ABLIM3: variants seen among roughly 807,000 people sequenced by gnomAD.
ABLIM3 encodes actin binding LIM protein family member 3, also known as actin-binding LIM protein 3.
In ABLIM3, 61 loss-of-function variants were observed where a neutral mutation model predicts 109.5. The observed-to-expected ratio is 0.56, with a 90% confidence interval of 0.45 to 0.69. ABLIM3 has a LOEUF of 0.69. ABLIM3 is among the 30% of genes least tolerant of loss of function. The pLI is 0.00. For missense variants in ABLIM3, 796 were observed against 889.5 expected (o/e 0.89, Z 1.34); for synonymous variants, 300 against 324.8 (o/e 0.92, Z 0.82).
intron 2 of ABLIM3, among the ~76,000 whole-genome samples, chr5:149,178,079 T>C (rs1270475372): frequency 6.6e-6 from 1 of 152,130 alleles, no homozygotes; most frequent in Non-Finnish European, 1.5e-5. Flanking sequence ...ATCCCATGAC[T>C]CTGTGGCCTC....
At chr5:149,185,791 CTT>C (rs1437541606) in intron 3 of ABLIM3, among the ~76,000 whole-genome samples, 1 of 152,162 alleles carries the variant, frequency 6.6e-6, no homozygotes. Context: ...TTTTACGACT[CTT>C]TTAACATGCA....
At chr5:149,239,349 C>A in intron 12 of ABLIM3, 72 bp downstream of exon 12, 1 of 1,533,258 alleles carries the variant, frequency 6.5e-7, no homozygotes, top group Non-Finnish European at 9.0e-7. Context: ...CCATCCCCAG[C>A]CCCCCGAAGG....
chr5:149,150,604 G>A (rs1263778050), intron 2 of ABLIM3, among the ~76,000 whole-genome samples: 1 of 152,112 alleles, frequency 6.6e-6, no homozygotes, highest in East Asian at 1.9e-4. Flanking sequence ...TTCCTATCTG[G>A]CAAAAGCTTT....
intron 7 of ABLIM3, among the ~76,000 whole-genome samples, chr5:149,215,323 C>G (rs1221210619): frequency 6.6e-6 from 1 of 152,158 alleles, no homozygotes; most frequent in Non-Finnish European, 1.5e-5. Flanking sequence ...AAAGTTTGAA[C>G]ATATTCGCTT....
intron 3 of ABLIM3, among the ~76,000 whole-genome samples, chr5:149,184,017 A>G (rs1756724677): frequency 6.6e-6 from 1 of 151,384 alleles, no homozygotes; most frequent in Non-Finnish European, 1.5e-5. Flanking sequence ...CAATGTAGCA[A>G]TCTTCAAAGG....
chr5:149,252,058 C>T, intron 21 of ABLIM3, 143 bp from the exon 22 acceptor site: 1 of 855,958 alleles, frequency 1.2e-6, no homozygotes, highest in Non-Finnish European at 1.8e-6. Flanking sequence ...GTGAATTCAG[C>T]AAGGACAAGG....
chr5:149,216,018 G>GATGGGGAAGGAAAGTGAAA (rs1175074361), intron 7 of ABLIM3, among the ~76,000 whole-genome samples: 2 of 152,182 alleles, frequency 1.3e-5, no homozygotes, highest in African/African-American at 4.8e-5. Context: ...TTTAAATAGT[G>GATGGGGAAGGAAAGTGAAA]ATGGGGAAGG....
chr5:149,240,033 C>T (rs1752649983), intron 13 of ABLIM3, 145 bp downstream of exon 13: 6 of 1,170,666 alleles, frequency 5.1e-6, no homozygotes, highest in African/African-American at 1.6e-5. Flanking sequence ...ACCCAGGTGA[C>T]CAGCTGGGCC....
intron 5 of ABLIM3, among the ~76,000 whole-genome samples, chr5:149,201,185 G>C (rs934817937): frequency 1.4e-5 from 2 of 141,894 alleles, no homozygotes; most frequent in Non-Finnish European, 3.2e-5. Flanking sequence ...CTAGTGATAA[G>C]ATATCTAAAT....
chr5:149,170,220 G>A (rs1026312025), intron 2 of ABLIM3, among the ~76,000 whole-genome samples: 7 of 115,076 alleles, frequency 6.1e-5, no homozygotes, highest in African/African-American at 1.0e-4. Flanking sequence ...ATTCATTCAG[G>A]GTTCTGTTTC....
intron 2 of ABLIM3, among the ~76,000 whole-genome samples, chr5:149,154,871 G>T (rs925332113): frequency 6.6e-6 from 1 of 152,280 alleles, no homozygotes; most frequent in East Asian, 1.9e-4. Flanking sequence ...ACATGAATGA[G>T]CCCACTTACG....
At chr5:149,236,570 G>A (rs1186479616) in intron 10 of ABLIM3, among the ~76,000 whole-genome samples, 2 of 152,130 alleles carry the variant, frequency 1.3e-5, no homozygotes, top group Admixed American at 6.5e-5. Flanking sequence ...TCACATGCAA[G>A]GGGAAGCTTT....
chr5:149,193,108 A>G (rs1362847273), intron 3 of ABLIM3, among the ~76,000 whole-genome samples: 2 of 152,178 alleles, frequency 1.3e-5, no homozygotes, highest in Non-Finnish European at 2.9e-5. Context: ...CAAAAAAAGA[A>G]AAGAAAAAAA....
At chr5:149,141,841 CCG>C in intron 1 of ABLIM3, 166 bp from the exon 2 acceptor site, 2 of 560,284 alleles carry the variant, frequency 3.6e-6, no homozygotes, top group Non-Finnish European at 6.4e-6. Flanking sequence ...AGCAGGAGGA[CCG>C]GGGCGCCGGT....
rs147156554 is a variant in ABLIM3 at position 149,197,551 on chromosome 5, T to A, written c.152-668T>A. ...GTGTTTTATTCTTCCTGCCTGAGAA[T>A]AGACACCCCCCACTCCTTATGGCTA... On this transcript the variant is annotated intron_variant, in intron 3 of 23. Coordinates refer to ENST00000309868, the MANE Select transcript of ABLIM3 (RefSeq NM_014945.5). Among the ~76,000 whole-genome samples, 489 of 152,262 alleles carry A rather than the reference T, an allele frequency of 3.2e-3. 3 individuals carry two copies. The highest frequency in any genetic ancestry group is 0.011 in the African/African-American group (475 of 41,552).
At chr5:149,169,886 A>G (rs1755208644) in intron 2 of ABLIM3, among the ~76,000 whole-genome samples, 1 of 152,152 alleles carries the variant, frequency 6.6e-6, no homozygotes, top group African/African-American at 2.4e-5. Flanking sequence ...TTAATGGAAG[A>G]TTGTGATTTT....
intron 2 of ABLIM3, among the ~76,000 whole-genome samples, chr5:149,153,083 T>C (rs1753577892): frequency 6.6e-6 from 1 of 152,148 alleles, no homozygotes; most frequent in African/African-American, 2.4e-5. Context: ...AGGATAAAGA[T>C]AGATAAAGAT....
chr5:149,233,257 C>T lies in ABLIM3; in HGVS notation c.845C>T (p.Ser282Leu), dbSNP rs773679401. 1 of 1,614,210 alleles carries T rather than the reference C, an allele frequency of 6.2e-7. No individual in the cohort carries two copies. Among genetic ancestry groups the T allele is most frequent in the South Asian group, 1.1e-5 (1 of 91,088 alleles). The change falls in exon 10 of 24, where the codon TCA becomes TTA. Residue 282 changes from serine (S) to leucine (L), a missense_variant. By Grantham distance (145) the Ser-to-Leu change is moderately radical. Coordinates refer to ENST00000309868, the MANE Select transcript of ABLIM3 (RefSeq NM_014945.5). ...AGACGGACATCTGAAACCTCCATCT[C>T]ACCCCCTGGATCCAGCATTGGGTCA... ...KHRRTSETSISPPGSSIGSPN... is the reference protein window; with the variant it reads ...KHRRTSETSILPPGSSIGSPN...
intron 7 of ABLIM3, among the ~76,000 whole-genome samples, chr5:149,211,347 C>G (rs1390411970): frequency 6.6e-6 from 1 of 152,066 alleles, no homozygotes; most frequent in Non-Finnish European, 1.5e-5. Flanking sequence ...CCTGCAAAAC[C>G]CTTGCTGAGG....
Sources: gnomAD v4.1 joint callset for allele counts (sites outside exome capture counted in the v4.1 genomes callset) on GRCh38, gnomAD v4.1.1 for gene constraint, MANE v1.5 for transcripts, NCBI Gene and HGNC (gene_info 2026-07-23, HGNC 2026-07-21) for gene names.